The following IP6K2 variants were observed in gnomAD, a reference collection of about 807,000 sequenced individuals.
The protein encoded by IP6K2 is inositol hexakisphosphate kinase 2, also known as ATP:1D-myo-inositol-hexakisphosphate phosphotransferase.
Under a neutral mutation model 43.3 loss-of-function variants are expected in IP6K2, and 9 were observed. That is an observed-to-expected ratio of 0.21 (90% CI 0.13 to 0.36). IP6K2 has a LOEUF of 0.36. IP6K2 is among the 10% of genes least tolerant of loss of function. IP6K2 has a pLI of 1.00. For synonymous variants in IP6K2, 209 were observed against 202.4 expected, an observed-to-expected ratio of 1.03 and a Z score of -0.28; for missense variants, 332 against 538.4, an observed-to-expected ratio of 0.62 and a Z score of 3.79.
chr3:48,693,287 A>G lies in IP6K2; in HGVS notation c.203-108T>C, dbSNP rs781575152. Reference sequence around the variant, plus strand: ...TTTCTTACCCAGTTCCTTAGTCTCTATGTTGCCAGAGGCCCCAAACTCATC... The same window carrying G: ...TTTCTTACCCAGTTCCTTAGTCTCTGTGTTGCCAGAGGCCCCAAACTCATC... On this transcript the variant is annotated intron_variant, in intron 2 of 5. Transcript: ENST00000328631. 5.2e-6 allele frequency: 6 copies of G among 1,163,524 alleles called. No homozygotes were observed. In the African/African-American group the frequency reaches 6.1e-5, roughly 12 times the overall value. The allele number at this position is 1,163,524 out of a possible 1,614,324, so 72.1% of individuals were successfully genotyped here. A position where few individuals can be genotyped will look rare whatever the true frequency, so the allele number is the denominator to read the frequency against.
At chr3:48,693,270 C>T (rs1341782165) in intron 2 of IP6K2, 91 bp from the exon 3 acceptor site, 1 of 1,263,178 alleles carries the variant, frequency 7.9e-7, no homozygotes, top group Admixed American at 1.7e-5. Context: ...TTTTTCTTAC[C>T]CAGTTCCTTA....
Position 48,694,891 on chromosome 3 carries a change from G to C in IP6K2, c.202+199C>G, listed in dbSNP as rs551179391. The C allele has an allele frequency of 1.8e-5, 28 of 1,540,204 alleles. No homozygotes were observed. The East Asian group carries it at 5.9e-4, about 32-fold the overall frequency. On this transcript the variant is annotated intron_variant, in intron 2 of 5. Coordinates refer to ENST00000328631, the MANE Select transcript of IP6K2 (RefSeq NM_016291.4). Reference sequence around the variant, plus strand: ...CAAATCCACACAACAAAACAGAATTGAGCAATCTTACCAGGGATTGAAAAC... The same window carrying C: ...CAAATCCACACAACAAAACAGAATTCAGCAATCTTACCAGGGATTGAAAAC...
intron 2 of IP6K2, chr3:48,694,049 G>A (rs2078031323): frequency 6.9e-7 from 1 of 1,439,742 alleles, no homozygotes; most frequent in Admixed American, 3.1e-5. Flanking sequence ...CACTCAATCT[G>A]CTCAGTCCTC....
intron 1 of IP6K2, chr3:48,715,472 A>G: frequency 6.5e-7 from 1 of 1,535,412 alleles, no homozygotes. Context: ...GGCACATTCC[A>G]CTGCTCAGAC....
In IP6K2 at chr3:48,695,657, A is replaced by C; in HGVS notation, c.-130-236T>G. ...CAGGGAATGGGTTCAGGGGCCCTAA[A>C]AAGGCAGAGGTCCCACTACGGTGTT... is the stretch of plus-strand genomic sequence containing the variant. On this transcript the variant is annotated intron_variant, in intron 1 of 5. Coordinates refer to ENST00000328631, the MANE Select transcript of IP6K2 (RefSeq NM_016291.4). The surrounding 1 kb of genome is among the most constrained non-coding windows in gnomAD (Gnocchi z 4.6). 2.4e-6 allele frequency: 1 copy of C among 411,390 alleles called. No individual in the cohort carries two copies. Among genetic ancestry groups the C allele is most frequent in the Non-Finnish European group, 4.1e-6 (1 of 244,062 alleles). 25.5% of individuals were successfully genotyped at this position (411,390 alleles called of 1,614,324 possible).
intron 2 of IP6K2, chr3:48,694,331 A>G (rs887645181): frequency 1.3e-6 from 2 of 1,549,116 alleles, no homozygotes; most frequent in Admixed American, 4.0e-5. Flanking sequence ...GTACAGAGAA[A>G]GGCACCCAGT....
At position 48,688,606 on chromosome 3, in the gene IP6K2, T is replaced by G; in HGVS notation, c.948A>C (p.Ala316=). ...GGTAGGACTCCTGTCGCTCCAACAC[T>G]GCCTTGAGCTCAGTCAGCTTCTTGA... ...PVLKKLTELK[A]VLERQESYRF... The change falls in exon 6 of 6, where the codon GCA becomes GCC. Residue 316 remains alanine, a synonymous_variant. Coordinates refer to ENST00000328631, the MANE Select transcript of IP6K2 (RefSeq NM_016291.4). This position sits in a 1 kb window ranked among gnomAD's most constrained non-coding sequence, Gnocchi z 5.1. 1 of 1,614,206 alleles carries G rather than the reference T, an allele frequency of 6.2e-7. No homozygotes were observed. The highest frequency in any genetic ancestry group is 8.5e-7 in the Non-Finnish European group (1 of 1,180,034).
At chr3:48,694,520 T>C (rs771993000) in intron 2 of IP6K2, 21 of 1,535,152 alleles carry the variant, frequency 1.4e-5, no homozygotes, top group East Asian at 7.3e-5. Context: ...TGGCTGCTGA[T>C]GTCCCCTATA....
In IP6K2 at chr3:48,701,833, G is replaced by A. The variant is rs559378173; in HGVS notation, c.-130-6412C>T. ...GAATCGCTTGAGCACGGGAGGCGGAGGTTGCAGTGAGCTGAGATCGCACTA... is the reference window on the plus strand; with the variant it reads ...GAATCGCTTGAGCACGGGAGGCGGAAGTTGCAGTGAGCTGAGATCGCACTA... On this transcript the variant is annotated intron_variant, in intron 1 of 5. Transcript: ENST00000328631. Among the ~76,000 whole-genome samples, 20 of 152,268 alleles carry A rather than the reference G, an allele frequency of 1.3e-4. No individual in the cohort carries two copies. In the South Asian group the frequency reaches 4.1e-3, roughly 32 times the overall value.
chr3:48,704,064 C>T (rs1007347391), intron 1 of IP6K2, among the ~76,000 whole-genome samples: 1 of 151,966 alleles, frequency 6.6e-6, no homozygotes, highest in African/African-American at 2.4e-5. Context: ...TGCACTCTAG[C>T]CTGGCAACAG....
intron 1 of IP6K2, among the ~76,000 whole-genome samples, chr3:48,699,042 T>C (rs535366869): frequency 1.3e-5 from 2 of 152,182 alleles, no homozygotes; most frequent in Non-Finnish European, 2.9e-5. Flanking sequence ...TGTGTAGGTA[T>C]GTCTTACCCA....
Position 48,688,792 on chromosome 3 carries a change from C to A in IP6K2, c.781-19G>T. 6.3e-7 allele frequency: 1 copy of A among 1,584,310 alleles called. No individual in the cohort carries two copies. Among genetic ancestry groups the A allele is most frequent in the Non-Finnish European group, 8.6e-7 (1 of 1,163,116 alleles). On this transcript the variant is annotated intron_variant, in intron 5 of 5. Coordinates refer to ENST00000328631, the MANE Select transcript of IP6K2 (RefSeq NM_016291.4). This position sits in a 1 kb window ranked among gnomAD's most constrained non-coding sequence, Gnocchi z 5.1. ...GGTACACCTGTAGGAGAGAGACCAG[C>A]AAGTCAGGGGCTGAGGGCCATCTCA...
At chr3:48,708,213 C>G (rs961133570) in intron 1 of IP6K2, 1 of 151,908 alleles carries the variant, frequency 6.6e-6, no homozygotes, top group Non-Finnish European at 1.5e-5. Context: ...TGACTGTACT[C>G]CAGCCTGGGT....
At chr3:48,706,717 A>T (rs2079832600) in intron 1 of IP6K2, among the ~76,000 whole-genome samples, 1 of 151,948 alleles carries the variant, frequency 6.6e-6, no homozygotes, top group South Asian at 2.1e-4. Context: ...GCACGGGCCC[A>T]TAGTCCCAGC....
chr3:48,689,793 T>C, intron 4 of IP6K2, 80 bp from the exon 5 acceptor site: 5 of 1,251,920 alleles, frequency 4.0e-6, no homozygotes, highest in South Asian at 1.3e-5. Context: ...AGTGCCTTGA[T>C]GCAGTGACCC....
chr3:48,693,896 T>A lies in IP6K2; in HGVS notation c.203-717A>T, dbSNP rs374290030. On this transcript the variant is annotated intron_variant, in intron 2 of 5. Coordinates refer to ENST00000328631, the MANE Select transcript of IP6K2 (RefSeq NM_016291.4). ...TGGCCTTGAAAGCAGCTTTTCCCCTTAAGTCTCTAGAACCTGCCATGAGTA... is the reference window on the plus strand; with the variant it reads ...TGGCCTTGAAAGCAGCTTTTCCCCTAAAGTCTCTAGAACCTGCCATGAGTA... The A allele has an allele frequency of 4.8e-5, 59 of 1,241,656 alleles. 1 individual carries two copies. The East Asian group carries it at 1.2e-3, about 24-fold the overall frequency. The allele number at this position is 1,241,656 out of a possible 1,614,324, so 76.9% of individuals were successfully genotyped here. A position where few individuals can be genotyped will look rare whatever the true frequency, so the allele number is the denominator to read the frequency against.
In IP6K2 at chr3:48,693,021, C is replaced by G; in HGVS notation, c.361G>C (p.Val121Leu). ...TTAGGGGTCTTTTCTGTTTCTAAGA[C>G]ATGATGTTTTTTGTTTGTTGTCCAC... Reference protein sequence around the residue: ...LRWTTNKKHHVLETEKTPKDW... With the variant: ...LRWTTNKKHHLLETEKTPKDW... Residue 121 changes from valine to leucine, a missense_variant, in exon 3 of 6, where the codon GTC becomes CTC. Coordinates refer to ENST00000328631, the MANE Select transcript of IP6K2 (RefSeq NM_016291.4). The G allele has an allele frequency of 2.5e-6, 4 of 1,614,254 alleles. No individual in the cohort carries two copies. The highest frequency in any genetic ancestry group is 1.3e-5 in the African/African-American group (1 of 75,074).
chr3:48,702,216 G>A (rs2079131325), intron 1 of IP6K2, among the ~76,000 whole-genome samples: 2 of 152,126 alleles, frequency 1.3e-5, no homozygotes, highest in Non-Finnish European at 2.9e-5. Context: ...GGGCAAAAGA[G>A]CGAGACTCCA....
At chr3:48,691,595 C>T in intron 3 of IP6K2, 113 bp from the exon 4 acceptor site, 1 of 690,126 alleles carries the variant, frequency 1.4e-6, no homozygotes, top group Non-Finnish European at 2.4e-6. Flanking sequence ...ATGGGCAGAT[C>T]ACTTGAGATC....
Sources: gnomAD v4.1 joint callset for allele counts (sites outside exome capture counted in the v4.1 genomes callset) on GRCh38, gnomAD v4.1.1 for gene constraint, Gnocchi (gnomAD v3.1) non-coding constraint, MANE v1.5 for transcripts, NCBI Gene and HGNC (gene_info 2026-07-23, HGNC 2026-07-21) for gene names.